RAPGEF2: variants seen among roughly 807,000 people sequenced by gnomAD.
The protein encoded by RAPGEF2 is PDZ domain containing guanine nucleotide exchange factor (GEF) 1.
A neutral mutation model predicts 186.7 loss-of-function variants in RAPGEF2; 54 were observed. That is an observed-to-expected ratio of 0.29 (90% CI 0.23 to 0.36). RAPGEF2 has a LOEUF of 0.36. RAPGEF2 is among the 10% of genes least tolerant of loss of function. The pLI is 1.00. For synonymous variants in RAPGEF2, 712 were observed against 705.9 expected, an observed-to-expected ratio of 1.01 and a Z score of -0.14; for missense variants, 1,532 against 2,045.0, an observed-to-expected ratio of 0.75 and a Z score of 4.84.
At chr4:159,354,287 A>G (rs1054518152) in intron 28 of RAPGEF2, among the ~76,000 whole-genome samples, 1 of 152,172 alleles carries the variant, frequency 6.6e-6, no homozygotes, top group African/African-American at 2.4e-5. Flanking sequence ...AATCTTAGCT[A>G]TCAGGATGAG....
intron 1 of RAPGEF2, among the ~76,000 whole-genome samples, chr4:159,118,336 G>T (rs1159862488): frequency 2.6e-5 from 4 of 152,154 alleles, no homozygotes; most frequent in Non-Finnish European, 5.9e-5. Context: ...ATCTGTCACT[G>T]TTTCCCATCA....
At chr4:159,238,702 A>T in intron 4 of RAPGEF2, 107 bp from the exon 5 acceptor site, 1 of 648,814 alleles carries the variant, frequency 1.5e-6, no homozygotes, top group South Asian at 3.4e-5. Flanking sequence ...TACTTTTTGT[A>T]ATTGTTTTTA....
chr4:159,206,947 A>G (rs1440847203), intron 3 of RAPGEF2, among the ~76,000 whole-genome samples: 6 of 152,278 alleles, frequency 3.9e-5, no homozygotes, highest in African/African-American at 9.6e-5. Flanking sequence ...TTTCTTAACT[A>G]TGTATTCTTA....
intron 21 of RAPGEF2, 31 bp downstream of exon 21, chr4:159,343,221 G>A (rs750998743): frequency 2.5e-6 from 4 of 1,613,900 alleles, no homozygotes; most frequent in South Asian, 1.1e-5. Context: ...TTCCATCTTT[G>A]CTTGAAGAAG....
intron 7 of RAPGEF2, among the ~76,000 whole-genome samples, chr4:159,265,593 T>G (rs1757339855): frequency 6.6e-6 from 1 of 152,156 alleles, no homozygotes; most frequent in Non-Finnish European, 1.5e-5. Context: ...AGAGTTTTGG[T>G]CTTTATGCCA....
At chr4:159,210,435 A>G (rs1421124369) in intron 3 of RAPGEF2, 65 bp from the exon 4 acceptor site, 1 of 1,081,744 alleles carries the variant, frequency 9.2e-7, no homozygotes, top group African/African-American at 1.6e-5. Flanking sequence ...TTTGTGCTAT[A>G]TGTTTTAATT....
intron 1 of RAPGEF2, among the ~76,000 whole-genome samples, chr4:159,154,744 G>C (rs1743939154): frequency 1.3e-5 from 2 of 152,060 alleles, no homozygotes; most frequent in African/African-American, 4.8e-5. Context: ...AGAGGGAATT[G>C]GTGACTTGCT....
At chr4:159,253,449 TAAAG>T (rs1394837170) in intron 7 of RAPGEF2, among the ~76,000 whole-genome samples, 5 of 152,332 alleles carry the variant, frequency 3.3e-5, no homozygotes, top group Non-Finnish European at 7.4e-5. Flanking sequence ...ACAGATCTCA[TAAAG>T]AAAGGGCCTT....
intron 18 of RAPGEF2, 24 bp downstream of exon 18, chr4:159,338,492 TGTTTTCTTATA>T: frequency 6.3e-7 from 1 of 1,583,316 alleles, no homozygotes; most frequent in Non-Finnish European, 8.6e-7. Context: ...ACACTTCTTT[TGTTTTCTTATA>T]GTTATCTTTT....
intron 4 of RAPGEF2, among the ~76,000 whole-genome samples, chr4:159,232,280 C>T (rs1200694399): frequency 1.3e-5 from 2 of 152,206 alleles, no homozygotes; most frequent in African/African-American, 4.8e-5. Flanking sequence ...AACCATTACG[C>T]TTTCCAAACT....
chr4:159,259,769 A>C (rs1756589244), intron 7 of RAPGEF2, among the ~76,000 whole-genome samples: 1 of 152,130 alleles, frequency 6.6e-6, no homozygotes. Flanking sequence ...AAAATGTTGG[A>C]AGTGTTTTGG....
chr4:159,156,661 C>T (rs1459097286), intron 1 of RAPGEF2, among the ~76,000 whole-genome samples: 1 of 152,082 alleles, frequency 6.6e-6, no homozygotes, highest in Non-Finnish European at 1.5e-5. Flanking sequence ...ATGGACAGGC[C>T]CCAGTGTGTG....
rs528438890 is a variant in RAPGEF2, at chr4:159,177,850, G to A, written c.70-8792G>A. ...TCTAATTCATTGCTAGTGATCTTTT[G>A]CCCAAAAGGATAAATTTCATTTTTA... On this transcript the variant is annotated intron_variant, in intron 1 of 29. Transcript: ENST00000691494. 8.5e-5 allele frequency among the ~76,000 whole-genome samples: 13 copies of A among 152,248 alleles called. 1 individual carries two copies. The South Asian group carries it at 2.7e-3, about 32-fold the overall frequency.
chr4:159,273,171 CTT>C (rs1203047551), intron 7 of RAPGEF2, among the ~76,000 whole-genome samples: 1 of 152,170 alleles, frequency 6.6e-6, no homozygotes, highest in Non-Finnish European at 1.5e-5. Flanking sequence ...ATGAAATAAA[CTT>C]ATCTCTTGGC....
chr4:159,268,189 G>A (rs780742303), intron 7 of RAPGEF2: 2 of 1,610,300 alleles, frequency 1.2e-6, no homozygotes, highest in South Asian at 2.2e-5. Flanking sequence ...TAACCATGGA[G>A]TTATGGGCCA....
intron 3 of RAPGEF2, among the ~76,000 whole-genome samples, chr4:159,195,879 T>TG (rs1163628729): frequency 2.0e-4 from 9 of 45,834 alleles, no homozygotes; most frequent in Middle Eastern, 0.017. Flanking sequence ...ATACCTGTTT[T>TG]TTTTTTTTTT....
At chr4:159,223,041 T>G (rs959204544) in intron 4 of RAPGEF2, among the ~76,000 whole-genome samples, 1 of 152,082 alleles carries the variant, frequency 6.6e-6, no homozygotes, top group Non-Finnish European at 1.5e-5. Flanking sequence ...ACAGTACTCG[T>G]TGAAATAATA....
intron 1 of RAPGEF2, among the ~76,000 whole-genome samples, chr4:159,181,927 A>C (rs1453076179): frequency 6.6e-6 from 1 of 152,246 alleles, no homozygotes; most frequent in Non-Finnish European, 1.5e-5. Context: ...AGGATTATCC[A>C]GAAGGATCTT....
intron 1 of RAPGEF2, 66 bp downstream of exon 1, chr4:159,104,297 C>T (rs1737532373): frequency 1.0e-5 from 7 of 678,816 alleles, no homozygotes; most frequent in South Asian, 1.9e-5. Flanking sequence ...CTTCCCCTGT[C>T]CCCCCACCTC....
Sources: gnomAD v4.1 joint callset for allele counts (sites outside exome capture counted in the v4.1 genomes callset) on GRCh38, gnomAD v4.1.1 for gene constraint, MANE v1.5 for transcripts, NCBI Gene and HGNC (gene_info 2026-07-23, HGNC 2026-07-21) for gene names.